CBLB: variants seen among roughly 807,000 people sequenced by gnomAD.
CBLB encodes the protein Cbl proto-oncogene B, also known as E3 ubiquitin-protein ligase CBL-B.
A neutral mutation model predicts 104.9 loss-of-function variants in CBLB; 31 were observed. The observed-to-expected ratio is 0.30, with a 90% CI of 0.22 to 0.40. CBLB has a LOEUF of 0.40. Ranked by LOEUF, CBLB falls within the 10% of genes least tolerant of loss-of-function variation. The pLI, the probability that CBLB is intolerant of heterozygous loss-of-function variation, is 1.00. For missense variants in CBLB, 1,062 were observed against 1,214.6 expected (o/e 0.87, Z 1.87); for synonymous variants, 440 against 422.6 (o/e 1.04, Z -0.51).
Position 105,702,169 on chromosome 3 carries a change from C to T in CBLB, c.1884G>A (p.Arg628=). 1 of 1,614,146 alleles carries T rather than the reference C, an allele frequency of 6.2e-7. No homozygotes were observed. The highest frequency in any genetic ancestry group is 2.2e-5 in the East Asian group (1 of 44,882). The change falls in exon 12 of 19, where the codon AGG becomes AGA. Residue 628 remains arginine (R), a synonymous_variant. Transcript: ENST00000394030. ...CTGGGTCAGAGCCCACTCTACTGTG[C>T]CTTCCATTGACATTTGAACTCGCTG... ...GITASSNVNG[R]HSRVGSDPVL...
chr3:105,811,246 A>G (rs1211053504), intron 3 of CBLB, among the ~76,000 whole-genome samples: 1 of 152,208 alleles, frequency 6.6e-6, no homozygotes, highest in Admixed American at 6.5e-5. Flanking sequence ...ACAGTTAGCT[A>G]AAAGGTATAG....
At chr3:105,671,676 T>A (rs1218814077) in intron 17 of CBLB, 1 of 204,810 alleles carries the variant, frequency 4.9e-6, no homozygotes, top group Non-Finnish European at 1.0e-5. Flanking sequence ...ATTTTTATAT[T>A]AGTTTTTGAC....
At chr3:105,808,518 C>T (rs1224341099) in intron 3 of CBLB, among the ~76,000 whole-genome samples, 7 of 152,126 alleles carry the variant, frequency 4.6e-5, no homozygotes, top group Non-Finnish European at 1.0e-4. Flanking sequence ...TATGTCATTA[C>T]ACTATATTTA....
intron 4 of CBLB, among the ~76,000 whole-genome samples, chr3:105,767,834 A>T (rs1003702444): frequency 3.3e-5 from 5 of 152,184 alleles, no homozygotes; most frequent in Admixed American, 2.0e-4. Context: ...GATGCATAGA[A>T]AAACCAACTA....
chr3:105,785,655 T>C (rs190160548), intron 3 of CBLB, among the ~76,000 whole-genome samples: 55 of 152,268 alleles, frequency 3.6e-4, no homozygotes, highest in African/African-American at 1.3e-3. Context: ...TCAATACTGT[T>C]CTTTTGGAAT....
At chr3:105,705,360 C>T (rs2069928319) in intron 10 of CBLB, among the ~76,000 whole-genome samples, 1 of 151,996 alleles carries the variant, frequency 6.6e-6, no homozygotes, top group South Asian at 2.1e-4. Flanking sequence ...TTCAGATTTC[C>T]TTAGTTTATA....
chr3:105,784,352 G>A (rs1046359576), intron 3 of CBLB, among the ~76,000 whole-genome samples: 5 of 152,048 alleles, frequency 3.3e-5, no homozygotes, highest in African/African-American at 1.2e-4. Flanking sequence ...GAAGTAACCA[G>A]AACATAGCAG....
intron 3 of CBLB, among the ~76,000 whole-genome samples, chr3:105,788,695 A>G (rs1319736674): frequency 3.3e-5 from 5 of 152,194 alleles, no homozygotes; most frequent in Non-Finnish European, 7.3e-5. Flanking sequence ...TCAATCTGTA[A>G]AAAATTAAAA....
chr3:105,730,535 G>A (rs1304284169), intron 9 of CBLB, among the ~76,000 whole-genome samples: 1 of 151,996 alleles, frequency 6.6e-6, no homozygotes, highest in Non-Finnish European at 1.5e-5. Flanking sequence ...CATGCTAGCA[G>A]AGAGATTCTA....
In CBLB at chr3:105,676,809, G is replaced by A. The variant is rs763997963; in HGVS notation, c.2569+1622C>T. Reference sequence around the variant, plus strand: ...TGATGGGAGATGACTGGATCATGGGGGTGGTTCCCCCATGCTGTTCTCATG... The same window carrying A: ...TGATGGGAGATGACTGGATCATGGGAGTGGTTCCCCCATGCTGTTCTCATG... On this transcript the variant is annotated intron_variant, in intron 17 of 18. Coordinates refer to ENST00000394030, the MANE Select transcript of CBLB (RefSeq NM_170662.5). 3.9e-4 allele frequency among the ~76,000 whole-genome samples: 59 copies of A among 152,250 alleles called. No individual in the cohort carries two copies. In the Middle Eastern group the frequency reaches 0.01, roughly 26 times the overall value.
In CBLB at chr3:105,702,277, T is replaced by A. The variant is rs775797936; in HGVS notation, c.1776A>T (p.Ala592=). 6.2e-7 allele frequency: 1 copy of A among 1,613,988 alleles called. No individual in the cohort carries two copies. Among genetic ancestry groups the A allele is most frequent in the Non-Finnish European group, 8.5e-7 (1 of 1,179,984 alleles). The change falls in exon 12 of 19, where the codon GCA becomes GCT. Residue 592 remains alanine, a synonymous_variant. Transcript: ENST00000394030. ...PSRDPPMPLE[A]WCPRDVFGTN... is the part of the protein sequence containing the mutation. Reference sequence around the variant, plus strand: ...TCCCAAACACATCCCGAGGGCACCATGCTTCAAGAGGCATTGGCGGGTCTC... The same window carrying A: ...TCCCAAACACATCCCGAGGGCACCAAGCTTCAAGAGGCATTGGCGGGTCTC...
intron 9 of CBLB, among the ~76,000 whole-genome samples, chr3:105,732,950 T>C (rs1222738154): frequency 3.3e-5 from 5 of 152,214 alleles, no homozygotes; most frequent in Non-Finnish European, 7.3e-5. Context: ...TCAATATAAC[T>C]ATGTCAAACA....
rs868737295 is a variant in CBLB at position 105,821,956 on chromosome 3, T to C, written c.419+31458A>G. 3.9e-5 allele frequency among the ~76,000 whole-genome samples: 6 copies of C among 152,142 alleles called. No homozygotes were observed. The East Asian group carries it at 1.2e-3, about 29-fold the overall frequency. On this transcript the variant is annotated intron_variant, in intron 3 of 18. Coordinates refer to ENST00000394030, the MANE Select transcript of CBLB (RefSeq NM_170662.5). ...CCTCAATGTTATGATACTAAACACATCTTTCTGCATCTTAACATTTTTTTT... is the reference window on the plus strand; with the variant it reads ...CCTCAATGTTATGATACTAAACACACCTTTCTGCATCTTAACATTTTTTTT...
In CBLB at chr3:105,712,388, A is replaced by G. The variant is rs140628273; in HGVS notation, c.1407+7659T>C. On this transcript the variant is annotated intron_variant, in intron 10 of 18. Coordinates refer to ENST00000394030, the MANE Select transcript of CBLB (RefSeq NM_170662.5). ...TTTGGTTCGCTCAGCTGCATAACCA[A>G]TTTTGAGAAGGCAGGGAAGGGTGAC... Among the ~76,000 whole-genome samples the G allele has an allele frequency of 8.9e-3, 1,359 of 152,274 alleles. 11 individuals carry two copies. The highest frequency in any genetic ancestry group is 0.013 in the Non-Finnish European group (853 of 68,016).
intron 3 of CBLB, among the ~76,000 whole-genome samples, chr3:105,808,612 T>A (rs1039372443): frequency 2.6e-5 from 4 of 152,224 alleles, no homozygotes; most frequent in African/African-American, 9.6e-5. Flanking sequence ...ATATAATAAC[T>A]GTTCCTTGTA....
intron 3 of CBLB, among the ~76,000 whole-genome samples, chr3:105,782,946 C>G: frequency 6.6e-6 from 1 of 152,182 alleles, no homozygotes; most frequent in East Asian, 1.9e-4. Flanking sequence ...AATAAGGATG[C>G]TCTTCACAGG....
chr3:105,682,556 G>C (rs927690421), intron 14 of CBLB, among the ~76,000 whole-genome samples: 3 of 152,128 alleles, frequency 2.0e-5, no homozygotes, highest in African/African-American at 4.8e-5. Flanking sequence ...GCAAAGGCTG[G>C]AGTGCAGTGG....
chr3:105,733,545 T>G (rs1441816904), intron 9 of CBLB, among the ~76,000 whole-genome samples: 1 of 152,196 alleles, frequency 6.6e-6, no homozygotes, highest in African/African-American at 2.4e-5. Flanking sequence ...GTTTGAGAGA[T>G]ACTTCCTGTC....
chr3:105,754,583 C>T (rs1489784363), intron 4 of CBLB, among the ~76,000 whole-genome samples: 1 of 144,860 alleles, frequency 6.9e-6, no homozygotes, highest in Admixed American at 6.9e-5. Context: ...CAACTAAACT[C>T]CAAGTTTTCA....
Sources: allele counts gnomAD v4.1 joint callset (sites outside exome capture counted in the v4.1 genomes callset), GRCh38; gene constraint gnomAD v4.1.1; transcripts MANE v1.5; gene names NCBI Gene and HGNC (gene_info 2026-07-23, HGNC 2026-07-21).